The following LYRM4 variants were observed in gnomAD, a reference collection of about 807,000 sequenced individuals.
LYRM4 encodes the protein LYR motif containing 4.
A neutral mutation model predicts 11.7 loss-of-function variants in LYRM4; 9 were observed. The observed-to-expected ratio is 0.77, with a 90% CI of 0.46 to 1.34. The LOEUF is 1.34. Among genes scored for constraint, LYRM4 ranks in the 40% most tolerant of loss-of-function variants. LYRM4 has a pLI of 0.00. For missense variants in LYRM4, 133 were observed against 112.5 expected, an observed-to-expected ratio of 1.18 and a Z score of -0.82; for synonymous variants, 42 against 40.4, an observed-to-expected ratio of 1.04 and a Z score of -0.15.
intron 2 of LYRM4, 117 bp from the exon 3 acceptor site, chr6:5,109,608 C>G: frequency 9.6e-7 from 1 of 1,037,914 alleles, no homozygotes. Context: ...AGGGCTGCTC[C>G]CTTCCGGCAA....
chr6:5,252,097 C>T (rs1339057143), intron 1 of LYRM4, among the ~76,000 whole-genome samples: 1 of 152,172 alleles, frequency 6.6e-6, no homozygotes, highest in Non-Finnish European at 1.5e-5. Flanking sequence ...TTGATCAGGA[C>T]TTAGGAATTT....
chr6:5,078,803 T>C, the LYRM4 span, among the ~76,000 whole-genome samples: 1 of 152,232 alleles, frequency 6.6e-6, no homozygotes, highest in African/African-American at 2.4e-5. Context: ...TTCTTGAAAG[T>C]TTCCACTGCT....
At chr6:5,155,257 T>G (rs1335212064) in intron 2 of LYRM4, among the ~76,000 whole-genome samples, 3 of 152,166 alleles carry the variant, frequency 2.0e-5, no homozygotes, top group Non-Finnish European at 4.4e-5. Context: ...TTTTTGCATT[T>G]TTAGTAGAGA....
the LYRM4 span, among the ~76,000 whole-genome samples, chr6:5,075,013 G>A: frequency 2.0e-5 from 3 of 152,038 alleles, no homozygotes; most frequent in Admixed American, 2.0e-4. Context: ...CAAGATCTGG[G>A]TGTTTAAAAG....
intron 2 of LYRM4, among the ~76,000 whole-genome samples, chr6:5,117,964 C>A (rs1195582493): frequency 6.6e-6 from 1 of 151,858 alleles, no homozygotes; most frequent in East Asian, 1.9e-4. Context: ...CCTTTGAGTA[C>A]CTTCTGATAC....
intron 2 of LYRM4, among the ~76,000 whole-genome samples, chr6:5,145,779 T>C (rs568889545): frequency 1.3e-5 from 2 of 152,314 alleles, no homozygotes; most frequent in South Asian, 4.1e-4. Context: ...ACCCACGGCT[T>C]CACCACCAAT....
intron 2 of LYRM4, among the ~76,000 whole-genome samples, chr6:5,207,522 T>A (rs1251494559): frequency 6.6e-6 from 1 of 152,134 alleles, no homozygotes; most frequent in Non-Finnish European, 1.5e-5. Flanking sequence ...TGGGAGAAGG[T>A]CTTCTGCATA....
chr6:5,113,034 G>A, intron 2 of LYRM4: 1 of 185,582 alleles, frequency 5.4e-6, no homozygotes, highest in East Asian at 1.9e-4. Context: ...TAAAAATGGA[G>A]GACCAACCCA....
At chr6:5,152,222 C>T (rs450176) in intron 2 of LYRM4, among the ~76,000 whole-genome samples, 116,095 of 152,076 alleles carry the variant, frequency 0.76, 44,592 homozygotes, top group East Asian at 0.93. Context: ...ATGGTTAGCA[C>T]GCCAGTGAGA....
chr6:5,251,950 T>C (rs1378792099), intron 1 of LYRM4, among the ~76,000 whole-genome samples: 1 of 152,222 alleles, frequency 6.6e-6, no homozygotes, highest in African/African-American at 2.4e-5. Context: ...AGAGTTCCAA[T>C]GGCTCAAAAA....
chr6:5,038,010 G>T, the LYRM4 span, among the ~76,000 whole-genome samples: 1 of 57,594 alleles, frequency 1.7e-5, no homozygotes, highest in Non-Finnish European at 4.2e-5. Flanking sequence ...CTTCCCAGAC[G>T]GGGTGGCTGC....
chr6:5,221,090 G>C (rs1762550902), intron 1 of LYRM4, among the ~76,000 whole-genome samples: 1 of 152,124 alleles, frequency 6.6e-6, no homozygotes, highest in Non-Finnish European at 1.5e-5. Context: ...GCCTCTCAAA[G>C]TGCTGGGATT....
chr6:5,118,301 C>G (rs653512), intron 2 of LYRM4, among the ~76,000 whole-genome samples: 118,463 of 151,530 alleles, frequency 0.78, 46,475 homozygotes, highest in East Asian at 0.88. Flanking sequence ...ATTTTTAGTA[C>G]AGATGGGCTT....
At chr6:5,086,616 G>C in the LYRM4 span, 190 of 1,370,998 alleles carry the variant, frequency 1.4e-4, no homozygotes, top group Non-Finnish European at 1.8e-4. Context: ...CGTGGAGCTC[G>C]GGCTGCCGCC....
At chr6:5,239,927 C>T (rs1036004731) in intron 1 of LYRM4, among the ~76,000 whole-genome samples, 11 of 152,172 alleles carry the variant, frequency 7.2e-5, no homozygotes, top group East Asian at 3.9e-4. Flanking sequence ...AGAACAAGTG[C>T]ATGAGAGGAC....
chr6:5,068,783 A>T, the LYRM4 span, among the ~76,000 whole-genome samples: 1,120 of 128,366 alleles, frequency 8.7e-3, 9 homozygotes, highest in African/African-American at 0.03. The surrounding 1 kb of genome is among the most constrained non-coding windows in gnomAD (Gnocchi z 4.0). Flanking sequence ...TAAAGTATTT[A>T]AAAAAAAAAG....
In LYRM4 at chr6:5,228,211, C is replaced by A. The variant is rs150253819; in HGVS notation, c.87-11473G>T. On this transcript the variant is annotated intron_variant, in intron 1 of 2. Transcript: ENST00000330636. Reference sequence around the variant, plus strand: ...GTAGTAAATATGGCAGAAAAACCCCCTAAATTCATGGAGGTAGTCATAAAT... The same window carrying A: ...GTAGTAAATATGGCAGAAAAACCCCATAAATTCATGGAGGTAGTCATAAAT... Among the ~76,000 whole-genome samples the A allele has an allele frequency of 2.3e-3, 354 of 152,240 alleles. 4 individuals are homozygous for A. The East Asian group carries it at 0.05, about 22-fold the overall frequency.
chr6:5,188,380 A>G (rs1315276701), intron 2 of LYRM4, among the ~76,000 whole-genome samples: 11 of 149,870 alleles, frequency 7.3e-5, no homozygotes, highest in South Asian at 4.1e-4. Context: ...AGAAAAAAAA[A>G]AGAGAGAGAA....
intron 2 of LYRM4, among the ~76,000 whole-genome samples, chr6:5,166,720 A>G (rs1412821531): frequency 6.6e-6 from 1 of 152,236 alleles, no homozygotes; most frequent in Non-Finnish European, 1.5e-5. Flanking sequence ...GAAAGTGATA[A>G]GTTGCTTAAA....
Sources: allele counts gnomAD v4.1 joint callset (sites outside exome capture counted in the v4.1 genomes callset), GRCh38; gene constraint gnomAD v4.1.1; non-coding constraint Gnocchi (gnomAD v3.1); transcripts MANE v1.5; gene names NCBI Gene and HGNC (gene_info 2026-07-23, HGNC 2026-07-21).